PNPLA7: variants seen among roughly 807,000 people sequenced by gnomAD.
The protein encoded by PNPLA7 is patatin like domain 7, lysophospholipase.
PNPLA7 carries 153 observed loss-of-function variants against 161.7 expected under a neutral mutation model. That is an observed-to-expected ratio of 0.95 (90% CI 0.83 to 1.08). The LOEUF is 1.08. Among genes scored for constraint, PNPLA7 ranks in the 50% least tolerant of loss-of-function variants. PNPLA7 has a pLI of 0.00. For missense variants in PNPLA7, 1,739 were observed against 1,856.6 expected (o/e 0.94, Z 1.16); for synonymous variants, 809 against 782.1 (o/e 1.03, Z -0.57).
intron 11 of PNPLA7, among the ~76,000 whole-genome samples, chr9:137,518,801 T>C (rs1161667107): frequency 6.4e-5 from 4 of 62,546 alleles, no homozygotes; most frequent in East Asian, 6.2e-4. Flanking sequence ...CTCACTCCAC[T>C]CTGTCCACTC....
chr9:137,491,512 C>T lies in PNPLA7; in HGVS notation c.2197+1501G>A, dbSNP rs150851175. Reference sequence around the variant, plus strand: ...GAGAGCGAAGAGTCACATTACGTTACGTGTTAGACAGTGTCCCCCAAAATT... The same window carrying T: ...GAGAGCGAAGAGTCACATTACGTTATGTGTTAGACAGTGTCCCCCAAAATT... On this transcript the variant is annotated intron_variant, in intron 20 of 34. Coordinates refer to ENST00000406427, the MANE Select transcript of PNPLA7 (RefSeq NM_001098537.3). 235 of 983,126 alleles carry T rather than the reference C, an allele frequency of 2.4e-4. 1 individual carries two copies. The East Asian group carries it at 0.017, about 73-fold the overall frequency. The allele number at this position is 983,126 out of a possible 1,614,324, so 60.9% of individuals were successfully genotyped here.
Position 137,462,032 on chromosome 9 carries a change from A to G in PNPLA7, c.3655T>C (p.Tyr1219His). ...TCAAACACCGTGCGCCCGTGCTGGT[A>G]GCCCACTTCCTGTGCACACCCCCAG... ...GKFNEICEVG[Y>H]QHGRTVFDIW... The change falls in exon 32 of 35, where the codon TAC (tyrosine) becomes CAC (histidine). Residue 1219 changes from tyrosine (Y) to histidine (H), a missense_variant. By Grantham distance (83) the Tyr-to-His change is moderately conservative. This residue lies in a region of PNPLA7 where 703 missense variants were observed against 694.6 expected (regional missense o/e 1.01). Transcript: ENST00000406427. 3.1e-6 allele frequency: 5 copies of G among 1,595,960 alleles called. No homozygotes were observed. Among genetic ancestry groups the G allele is most frequent in the Non-Finnish European group, 4.3e-6 (5 of 1,172,308 alleles).
chr9:137,548,599 T>C (rs1474392369), intron 1 of PNPLA7, among the ~76,000 whole-genome samples: 4 of 151,900 alleles, frequency 2.6e-5, no homozygotes, highest in South Asian at 2.1e-4. Context: ...AATTCAAAAA[T>C]TAGCCGGGCG....
At chr9:137,539,520 A>AAT (rs1182841634) in intron 8 of PNPLA7, among the ~76,000 whole-genome samples, 1 of 152,158 alleles carries the variant, frequency 6.6e-6, no homozygotes, top group Admixed American at 6.5e-5. Context: ...TCTACAAAAA[A>AAT]ATACAAAATT....
At chr9:137,487,966 G>C (rs1343657756) in intron 20 of PNPLA7, among the ~76,000 whole-genome samples, 1 of 152,268 alleles carries the variant, frequency 6.6e-6, no homozygotes, top group Non-Finnish European at 1.5e-5. Context: ...CTCAGGCCCA[G>C]ATGATGTGTC....
intron 12 of PNPLA7, among the ~76,000 whole-genome samples, chr9:137,513,239 C>A (rs1834331452): frequency 6.6e-6 from 1 of 151,850 alleles, no homozygotes; most frequent in Admixed American, 6.6e-5. Flanking sequence ...GCCTGTAATC[C>A]CAGCACTTTG....
chr9:137,463,989 C>T (rs1278030760), intron 28 of PNPLA7, 137 bp downstream of exon 28: 2 of 986,266 alleles, frequency 2.0e-6, no homozygotes, highest in South Asian at 3.3e-5. Flanking sequence ...CATCCTGTGT[C>T]CTCCATGGAC....
Position 137,520,817 on chromosome 9 carries a change from C to T in PNPLA7, c.958-774G>A, listed in dbSNP as rs1234559983. Among the ~76,000 whole-genome samples, 4 of 152,346 alleles carry T rather than the reference C, an allele frequency of 2.6e-5. No individual in the cohort carries two copies. The highest frequency in any genetic ancestry group is 2.1e-4 in the South Asian group (1 of 4,832). ...TTGACAATGCGCTGTACCCTCCAAA[C>T]GCGTCACAGTTCAGGGTCAGCTCCG... On this transcript the variant is annotated intron_variant, in intron 10 of 34. Coordinates refer to ENST00000406427, the MANE Select transcript of PNPLA7 (RefSeq NM_001098537.3). The surrounding 1 kb of genome is among the most constrained non-coding windows in gnomAD (Gnocchi z 5.2).
rs775237970 is a variant in PNPLA7, at chr9:137,464,166, G to A, written c.3186C>T (p.Thr1062=). ...EDLWIPYFAI[T]TDITASAMRV... ...GCATGGCCGAGGCTGTGATGTCGGT[G>A]GTGATGGCGAAATAAGGAATCCACA... Residue 1062 remains threonine, a synonymous_variant, in exon 28 of 35, where the codon ACC becomes ACT. Coordinates refer to ENST00000406427, the MANE Select transcript of PNPLA7 (RefSeq NM_001098537.3). The A allele has an allele frequency of 3.1e-6, 5 of 1,613,722 alleles. No individual in the cohort carries two copies. The highest frequency in any genetic ancestry group is 1.7e-5 in the Admixed American group (1 of 60,010).
rs201981365 is a variant in PNPLA7, at chr9:137,547,280, C to T, written c.193+29G>A. 62 of 1,606,786 alleles carry T rather than the reference C, an allele frequency of 3.9e-5. 1 individual carries two copies. The highest frequency in any genetic ancestry group is 3.6e-4 in the South Asian group (33 of 90,936). ...ACACCCACGCTTTCCCCCAACCCCC[C>T]GGGCCAGAGTCGGAACCAAGATACT... On this transcript the variant is annotated intron_variant, in intron 3 of 34. Transcript: ENST00000406427. This position sits in a 1 kb window ranked among gnomAD's most constrained non-coding sequence, Gnocchi z 4.6.
chr9:137,547,229 C>G lies in PNPLA7; in HGVS notation c.193+80G>C. On this transcript the variant is annotated intron_variant, in intron 3 of 34. Coordinates refer to ENST00000406427, the MANE Select transcript of PNPLA7 (RefSeq NM_001098537.3). This position sits in a 1 kb window ranked among gnomAD's most constrained non-coding sequence, Gnocchi z 4.6. The stretch of plus-strand genomic sequence containing the variant: ...AGCCACCATGCGCTTGAGGGCCCCT[C>G]CCAGGGGCTCAAAACACATCCCAAG... 1 of 1,388,534 alleles carries G rather than the reference C, an allele frequency of 7.2e-7. No homozygotes were observed. The highest frequency in any genetic ancestry group is 1.0e-6 in the Non-Finnish European group (1 of 979,022). 86.0% of individuals were successfully genotyped at this position (1,388,534 alleles called of 1,614,324 possible).
chr9:137,544,787 T>C (rs1197759141), intron 4 of PNPLA7, among the ~76,000 whole-genome samples: 1 of 152,010 alleles, frequency 6.6e-6, no homozygotes, highest in African/African-American at 2.4e-5. Flanking sequence ...GTAGTTGGGA[T>C]TACAGGCGCC....
chr9:137,502,425 T>C (rs1156247289), intron 14 of PNPLA7, among the ~76,000 whole-genome samples: 1 of 146,868 alleles, frequency 6.8e-6, no homozygotes, highest in Non-Finnish European at 1.5e-5. Flanking sequence ...TGAAGGCAGC[T>C]CCCCCCCAAA....
At chr9:137,526,165 C>T (rs1265842251) in intron 8 of PNPLA7, among the ~76,000 whole-genome samples, 1 of 152,150 alleles carries the variant, frequency 6.6e-6, no homozygotes, top group Non-Finnish European at 1.5e-5. Flanking sequence ...GGTCTCTTGC[C>T]TCGGCACCTG....
rs1392855517 is a variant in PNPLA7, at chr9:137,505,615, TC to T, written c.1471del (p.Glu491LysfsTer113). On this transcript the variant is annotated frameshift_variant and splice_region_variant, in exon 14 of 35. Coordinates refer to ENST00000406427, the MANE Select transcript of PNPLA7 (RefSeq NM_001098537.3). LOFTEE classifies it high-confidence loss of function. The part of the protein sequence containing the change: ...KKDLLTLMKL[E>X]DSSLLDGRVA... ...CAGGTGCCCGCCGGGGCCACTCACTTCCAGCTTCATCAGGGTGAGCAGGTCC... is the reference window on the plus strand; with the variant it reads ...CAGGTGCCCGCCGGGGCCACTCACTTCAGCTTCATCAGGGTGAGCAGGTCC... 1 of 1,613,780 alleles carries T rather than the reference TC, an allele frequency of 6.2e-7. No homozygotes were observed. Among genetic ancestry groups the T allele is most frequent in the Non-Finnish European group, 8.5e-7 (1 of 1,179,986 alleles).
At chr9:137,498,364 G>A (rs1833183678) in intron 16 of PNPLA7, 119 bp from the exon 17 acceptor site, 1 of 1,443,208 alleles carries the variant, frequency 6.9e-7, no homozygotes, top group Non-Finnish European at 9.3e-7. Context: ...AAAGTAGAGA[G>A]ACCACTGGCA....
At chr9:137,463,604 A>G (rs1802977889) in intron 28 of PNPLA7, 73 bp from the exon 29 acceptor site, 1 of 1,137,626 alleles carries the variant, frequency 8.8e-7, no homozygotes, top group African/African-American at 1.5e-5. Context: ...GGGCCTTGCC[A>G]CTGCAGTCCT....
Position 137,486,821 on chromosome 9 carries a change from C to T in PNPLA7, c.2198-2085G>A, listed in dbSNP as rs951232823. ...CTTTTTTGCTCAAAGCCCCTGGTGC[C>T]CCTCCCCACTCAGAACAAGCCAGAG... is the stretch of plus-strand genomic sequence containing the variant. On this transcript the variant is annotated intron_variant, in intron 20 of 34. Coordinates refer to ENST00000406427, the MANE Select transcript of PNPLA7 (RefSeq NM_001098537.3). The surrounding 1 kb of genome is among the most constrained non-coding windows in gnomAD (Gnocchi z 6.0). 6.6e-6 allele frequency among the ~76,000 whole-genome samples: 1 copy of T among 152,094 alleles called. No individual in the cohort carries two copies. Among genetic ancestry groups the T allele is most frequent in the African/African-American group, 2.4e-5 (1 of 41,410 alleles).
chr9:137,464,250 T>A, intron 27 of PNPLA7, 55 bp from the exon 28 acceptor site: 2 of 1,610,500 alleles, frequency 1.2e-6, no homozygotes, highest in Non-Finnish European at 8.5e-7. Flanking sequence ...CTGTCCTGTG[T>A]CTGGGGAGGC....
Sources: gnomAD v4.1 joint callset for allele counts (sites outside exome capture counted in the v4.1 genomes callset) on GRCh38, gnomAD v4.1.1 for gene constraint, gnomAD v4.1.1 regional missense constraint, Gnocchi (gnomAD v3.1) non-coding constraint, MANE v1.5 for transcripts, NCBI Gene and HGNC (gene_info 2026-07-23, HGNC 2026-07-21) for gene names.